Variants in MYO19 observed in about 807,000 individuals in gnomAD.
The protein encoded by MYO19 is myosin XIX.
Under a neutral mutation model 129.2 loss-of-function variants are expected in MYO19, and 132 were observed. The ratio of observed to expected loss-of-function variants is 1.02; its 90% CI spans 0.89 to 1.18. The LOEUF (loss-of-function observed/expected upper bound fraction) is 1.18. MYO19 is among the 50% of genes most tolerant of loss of function. MYO19 has a pLI of 0.00. For missense variants in MYO19, 1,210 were observed against 1,216.7 expected (o/e 0.99, Z 0.08); for synonymous variants, 531 against 477.2 (o/e 1.11, Z -1.47).
Position 36,496,519 on chromosome 17 carries a change from T to G in MYO19, c.2758-113A>C, listed in dbSNP as rs1180472649. On this transcript the variant is annotated intron_variant, in intron 25 of 25. Coordinates refer to ENST00000614623, the MANE Select transcript of MYO19 (RefSeq NM_001163735.2). The stretch of plus-strand genomic sequence containing the variant: ...AAGAAGGTATGGACAAGTACTAGTA[T>G]TGGGGGCCACAGCAGGATTAAAATA... 1.3e-5 allele frequency: 12 copies of G among 956,004 alleles called. No homozygotes were observed. In the South Asian group the frequency reaches 1.4e-4, roughly 11 times the overall value. 59.2% of individuals were successfully genotyped at this position (956,004 alleles called of 1,614,324 possible). A position where few individuals can be genotyped will look rare whatever the true frequency, so the allele number is the denominator to read the frequency against.
At chr17:36,537,993 C>G, upstream of MYO19, 1 of 1,613,986 alleles carries the variant, frequency 6.2e-7, no homozygotes, top group Non-Finnish European at 8.5e-7. Flanking sequence ...ACGGGTTGGT[C>G]TATTAAATGC....
rs377087886 is a variant in MYO19 at position 36,509,094 on chromosome 17, C to T, written c.1199G>A (p.Cys400Tyr). Reference protein sequence around the residue: ...WLVSVINSSICADTDSWTTFI... With the variant: ...WLVSVINSSIYADTDSWTTFI... ...AGTGGTCCACGAGTCGGTGTCTGCA[C>T]AGATGCTGCTGTTGATCACTGATAC... The change falls in exon 14 of 26, where the codon TGT becomes TAT. Residue 400 changes from cysteine to tyrosine, a missense_variant. Cys to Tyr is a radical substitution (Grantham distance 194). Transcript: ENST00000614623. 1.9e-6 allele frequency: 3 copies of T among 1,613,758 alleles called. No homozygotes were observed. Among genetic ancestry groups the T allele is most frequent in the South Asian group, 2.2e-5 (2 of 91,044 alleles).
intron 16 of MYO19, 93 bp downstream of exon 16, chr17:36,507,306 A>G (rs2071979367): frequency 3.5e-6 from 5 of 1,408,760 alleles, no homozygotes; most frequent in Non-Finnish European, 4.0e-6. Flanking sequence ...GACTGGGAGG[A>G]GAGAGGCACA....
At chr17:36,533,846 T>C (rs1392486851) in intron 2 of MYO19, 107 bp downstream of exon 2, 1 of 152,250 alleles carries the variant, frequency 6.6e-6, no homozygotes, top group Non-Finnish European at 1.5e-5. Flanking sequence ...CCAAGGCCCC[T>C]GGCACAGAAC....
At position 36,507,383 on chromosome 17, in the gene MYO19, T is replaced by G; in HGVS notation, c.1467+16A>C. 6.2e-7 allele frequency: 1 copy of G among 1,608,550 alleles called. No homozygotes were observed. Among genetic ancestry groups the G allele is most frequent in the Non-Finnish European group, 8.5e-7 (1 of 1,176,306 alleles). On this transcript the variant is annotated intron_variant, in intron 16 of 25. Coordinates refer to ENST00000614623, the MANE Select transcript of MYO19 (RefSeq NM_001163735.2). ...AGGCCAACTCTGGTGCTCGGCTCATTAGCTGACCTCCCCACCTCATTTATG... is the reference window on the plus strand; with the variant it reads ...AGGCCAACTCTGGTGCTCGGCTCATGAGCTGACCTCCCCACCTCATTTATG...
At chr17:36,510,605 T>A in intron 13 of MYO19, 141 bp downstream of exon 13, 2 of 906,556 alleles carry the variant, frequency 2.2e-6, no homozygotes, top group Non-Finnish European at 3.3e-6. Context: ...TCCAGGGGTT[T>A]GAGGAGCAGG....
intron 19 of MYO19, chr17:36,504,225 G>A (rs1599244171): frequency 2.0e-6 from 1 of 506,692 alleles, no homozygotes; most frequent in Non-Finnish European, 3.5e-6. Flanking sequence ...GGTCCTGGTG[G>A]TCCCAAGTCC....
chr17:36,508,334 C>T (rs565045813), intron 14 of MYO19: 88 of 162,752 alleles, frequency 5.4e-4, no homozygotes, highest in African/African-American at 2.1e-3. Flanking sequence ...TTCCACCATT[C>T]CATGAGCAAA....
chr17:36,499,404 A>G, intron 23 of MYO19: 1 of 328,870 alleles, frequency 3.0e-6, no homozygotes, highest in Admixed American at 3.9e-5. Context: ...ACTGGGGAGA[A>G]GGACTGGCTG....
Position 36,517,258 on chromosome 17 carries a change from TTTTG to T in MYO19, c.415-1272_415-1269del, listed in dbSNP as rs1334400946. ...AAGTCTGACTGGAGAGTTATCATTTTTTTGTTTGTTTGTCTTCTTTAGAGGCAAA... is the reference window on the plus strand; with the variant it reads ...AAGTCTGACTGGAGAGTTATCATTTTTTTGTTTGTCTTCTTTAGAGGCAAA... On this transcript the variant is annotated intron_variant, in intron 6 of 25. Coordinates refer to ENST00000614623, the MANE Select transcript of MYO19 (RefSeq NM_001163735.2). Among the ~76,000 whole-genome samples the T allele has an allele frequency of 2.2e-4, 34 of 152,330 alleles. No homozygotes were observed. The East Asian group carries it at 3.7e-3, about 16-fold the overall frequency.
rs72818363 is a variant in MYO19, at chr17:36,523,915, C to T, written c.414+1313G>A. 4.1e-3 allele frequency among the ~76,000 whole-genome samples: 632 copies of T among 152,292 alleles called. 1 individual carries two copies. Among genetic ancestry groups the T allele is most frequent in the Non-Finnish European group, 6.4e-3 (433 of 68,028 alleles). On this transcript the variant is annotated intron_variant, in intron 6 of 25. Transcript: ENST00000614623. The stretch of plus-strand genomic sequence containing the variant: ...GGGAACAAGGTTGAAAGACAAGGAG[C>T]AGGTTTGCTGTTTTTCTTTATAAGC...
At chr17:36,498,709 T>C in intron 24 of MYO19, 150 bp from the exon 25 acceptor site, 1 of 824,514 alleles carries the variant, frequency 1.2e-6, no homozygotes, top group Non-Finnish European at 1.8e-6. Flanking sequence ...ACCAAACTGG[T>C]TCCATATGCC....
chr17:36,538,910 T>C (rs2074179530), upstream of MYO19: 1 of 247,684 alleles, frequency 4.0e-6, no homozygotes, highest in East Asian at 9.4e-5. Flanking sequence ...TGTACCACCA[T>C]GCCCAGCTAA....
At chr17:36,538,881 GTAGC>G (rs1009178261), upstream of MYO19, 1 of 337,056 alleles carries the variant, frequency 3.0e-6, no homozygotes, top group African/African-American at 2.2e-5. Context: ...AGCCTCCTGA[GTAGC>G]TGGCACTGTA....
chr17:36,495,868 C>T lies in MYO19; in HGVS notation c.*383G>A, dbSNP rs1012487736. The T allele has an allele frequency of 3.2e-6, 4 of 1,238,708 alleles. No homozygotes were observed. The highest frequency in any genetic ancestry group is 3.0e-6 in the Non-Finnish European group (3 of 992,044). The allele number at this position is 1,238,708 out of a possible 1,614,324, so 76.7% of individuals were successfully genotyped here. Reference sequence around the variant, plus strand: ...AAATAACCACAAGATTTTTCCCAGCCCAAATTCCAGCGCCAATTTTAGGCC... The same window carrying T: ...AAATAACCACAAGATTTTTCCCAGCTCAAATTCCAGCGCCAATTTTAGGCC... On this transcript the variant is annotated 3_prime_UTR_variant, in exon 26 of 26. Coordinates refer to ENST00000614623, the MANE Select transcript of MYO19 (RefSeq NM_001163735.2).
chr17:36,529,489 A>G (rs1187905609), intron 3 of MYO19, among the ~76,000 whole-genome samples: 1 of 152,198 alleles, frequency 6.6e-6, no homozygotes, highest in Non-Finnish European at 1.5e-5. Flanking sequence ...TGAATTTCCA[A>G]TGAGAATGGT....
chr17:36,498,018 A>T, intron 25 of MYO19: 1 of 505,190 alleles, frequency 2.0e-6, no homozygotes, highest in Non-Finnish European at 3.5e-6. Context: ...TGGGACTAGA[A>T]GATTTAGAGA....
intron 13 of MYO19, chr17:36,509,471 C>T: frequency 2.6e-6 from 1 of 378,304 alleles, no homozygotes; most frequent in Non-Finnish European, 4.9e-6. Flanking sequence ...TGGGAAGGGG[C>T]AGATGGGCCT....
chr17:36,520,814 T>C (rs751022974), intron 6 of MYO19, among the ~76,000 whole-genome samples: 1 of 152,244 alleles, frequency 6.6e-6, no homozygotes, highest in Admixed American at 6.5e-5. Flanking sequence ...ATTTGTCAGG[T>C]TTCCAGTCAA....
Sources: gnomAD v4.1 joint callset for allele counts (sites outside exome capture counted in the v4.1 genomes callset) on GRCh38, gnomAD v4.1.1 for gene constraint, MANE v1.5 for transcripts, NCBI Gene and HGNC (gene_info 2026-07-23, HGNC 2026-07-21) for gene names.